PPM1H: variants seen among roughly 807,000 people sequenced by gnomAD.
PPM1H encodes protein phosphatase, Mg2+/Mn2+ dependent 1H, also known as protein phosphatase 1H.
A neutral mutation model predicts 54.9 loss-of-function variants in PPM1H; 27 were observed. The observed-to-expected ratio is 0.49, with a 90% CI of 0.36 to 0.68. PPM1H has a LOEUF of 0.68. PPM1H is among the 30% of genes least tolerant of loss of function. The probability of loss-of-function intolerance (pLI) is 0.00; values close to 1 mark genes in which losing one functional copy is unlikely to be tolerated. For synonymous variants in PPM1H, 305 were observed against 270.8 expected, an observed-to-expected ratio of 1.13 and a Z score of -1.24; for missense variants, 596 against 667.8, an observed-to-expected ratio of 0.89 and a Z score of 1.19.
At chr12:62,680,337 G>GTTTC (rs1027639769) in intron 8 of PPM1H, among the ~76,000 whole-genome samples, 1 of 121,020 alleles carries the variant, frequency 8.3e-6, no homozygotes, top group South Asian at 2.6e-4. Context: ...CTTTCTTTCT[G>GTTTC]TTTCTTTCTT....
At chr12:62,758,300 G>T (rs1353379837) in intron 4 of PPM1H, among the ~76,000 whole-genome samples, 5 of 152,160 alleles carry the variant, frequency 3.3e-5, no homozygotes, top group Non-Finnish European at 2.9e-5. Context: ...CTTGAGGTCT[G>T]GTGGCCTCAA....
At chr12:62,919,738 C>T (rs1871734323) in intron 1 of PPM1H, among the ~76,000 whole-genome samples, 1 of 152,202 alleles carries the variant, frequency 6.6e-6, no homozygotes, top group African/African-American at 2.4e-5. Flanking sequence ...AGCACAAGTC[C>T]TCATGGAGCC....
At chr12:62,906,487 AAGTTTG>A (rs781272246) in intron 1 of PPM1H, among the ~76,000 whole-genome samples, 3 of 152,212 alleles carry the variant, frequency 2.0e-5, no homozygotes, top group Non-Finnish European at 4.4e-5. Context: ...TTAATTTTCA[AAGTTTG>A]ATTTTAGATA....
chr12:62,663,638 C>T (rs1419948015), intron 9 of PPM1H, among the ~76,000 whole-genome samples: 1 of 152,190 alleles, frequency 6.6e-6, no homozygotes, highest in Non-Finnish European at 1.5e-5. Context: ...TATAATTGTA[C>T]TGATTCTATG....
At chr12:62,730,084 C>T (rs938350443) in intron 5 of PPM1H, among the ~76,000 whole-genome samples, 4 of 152,062 alleles carry the variant, frequency 2.6e-5, no homozygotes, top group African/African-American at 9.7e-5. Flanking sequence ...CAGAGAACAA[C>T]CCCCCTTTGA....
At position 62,667,175 on chromosome 12, in the gene PPM1H, A is replaced by C; in HGVS notation, c.1397+3T>G. Reference sequence around the variant, plus strand: ...AACCCTACAATTGTAGAAATGCACAAACCTGTGAGGATCATCTGGATCACA... The same window carrying C: ...AACCCTACAATTGTAGAAATGCACACACCTGTGAGGATCATCTGGATCACA... On this transcript the variant is annotated splice_donor_region_variant and intron_variant, in intron 9 of 9. Coordinates refer to ENST00000228705, the MANE Select transcript of PPM1H (RefSeq NM_020700.2). The C allele has an allele frequency of 6.3e-7, 1 of 1,581,320 alleles. No individual in the cohort carries two copies.
chr12:62,755,875 T>A, intron 4 of PPM1H: 2 of 785,742 alleles, frequency 2.5e-6, no homozygotes, highest in Non-Finnish European at 4.6e-6. Flanking sequence ...CTGCTAAGGT[T>A]GTGGGCAAGG....
At chr12:62,855,622 T>C (rs1185802321) in intron 1 of PPM1H, among the ~76,000 whole-genome samples, 1 of 152,218 alleles carries the variant, frequency 6.6e-6, no homozygotes, top group African/African-American at 2.4e-5. Flanking sequence ...TCAAGTTGTA[T>C]GAATCCAATC....
intron 3 of PPM1H, among the ~76,000 whole-genome samples, chr12:62,788,705 C>T (rs896787426): frequency 1.3e-5 from 2 of 152,148 alleles, no homozygotes; most frequent in Non-Finnish European, 2.9e-5. Context: ...CTGAGGATGA[C>T]AAGTACTTGG....
At chr12:62,654,834 T>C (rs1044728467) in intron 9 of PPM1H, among the ~76,000 whole-genome samples, 47 of 152,306 alleles carry the variant, frequency 3.1e-4, no homozygotes, top group African/African-American at 1.0e-3. Context: ...CCCTGATCCA[T>C]GTACCCATGT....
chr12:62,685,861 GTTAC>G (rs2076048129), intron 8 of PPM1H, among the ~76,000 whole-genome samples: 2 of 152,068 alleles, frequency 1.3e-5, no homozygotes, highest in South Asian at 2.1e-4. Flanking sequence ...ATATCAAAAC[GTTAC>G]ACTATATCCC....
At chr12:62,727,272 G>A (rs2076294975) in intron 5 of PPM1H, among the ~76,000 whole-genome samples, 1 of 152,064 alleles carries the variant, frequency 6.6e-6, no homozygotes, top group Admixed American at 6.5e-5. Flanking sequence ...ACATAGTAAA[G>A]GTGCTGAGTA....
chr12:62,792,830 G>T (rs2076708034), intron 3 of PPM1H, among the ~76,000 whole-genome samples: 1 of 152,072 alleles, frequency 6.6e-6, no homozygotes, highest in African/African-American at 2.4e-5. Context: ...AACATTAAAG[G>T]ACCATCTGGG....
intron 8 of PPM1H, among the ~76,000 whole-genome samples, chr12:62,680,224 TTCTCTCTC>T (rs199790963): frequency 2.0e-5 from 3 of 150,940 alleles, no homozygotes; most frequent in African/African-American, 7.3e-5. Context: ...CTTTCTCCCT[TTCTCTCTC>T]TCTCTCTTTC....
At chr12:62,650,130 CATT>C (rs1390686961) in intron 9 of PPM1H, among the ~76,000 whole-genome samples, 1 of 152,180 alleles carries the variant, frequency 6.6e-6, no homozygotes, top group Non-Finnish European at 1.5e-5. Flanking sequence ...AGAACTGCAT[CATT>C]GTTACATTAT....
chr12:62,932,651 T>TTTTTTTTTTA (rs1872181743), intron 1 of PPM1H, among the ~76,000 whole-genome samples: 3 of 136,450 alleles, frequency 2.2e-5, no homozygotes, highest in Non-Finnish European at 3.1e-5. Flanking sequence ...TTTTTTTTTT[T>TTTTTTTTTTA]GAGAAGGAGT....
intron 5 of PPM1H, among the ~76,000 whole-genome samples, chr12:62,729,432 G>A (rs969010982): frequency 3.3e-5 from 5 of 152,220 alleles, no homozygotes; most frequent in African/African-American, 7.2e-5. Flanking sequence ...AGGGTAATGT[G>A]CAGTTAAAGA....
intron 9 of PPM1H, among the ~76,000 whole-genome samples, chr12:62,662,340 G>C (rs1288044374): frequency 2.6e-5 from 4 of 152,148 alleles, no homozygotes; most frequent in Non-Finnish European, 5.9e-5. Flanking sequence ...AAACTTGAAA[G>C]GCGAAAAACA....
chr12:62,689,891 C>T, intron 7 of PPM1H, 85 bp from the exon 8 acceptor site: 1 of 921,322 alleles, frequency 1.1e-6, no homozygotes, highest in Non-Finnish European at 1.7e-6. Flanking sequence ...CTAGGAACAA[C>T]CAAACAATTT....
Sources: gnomAD v4.1 joint callset for allele counts (sites outside exome capture counted in the v4.1 genomes callset) on GRCh38, gnomAD v4.1.1 for gene constraint, MANE v1.5 for transcripts, NCBI Gene and HGNC (gene_info 2026-07-23, HGNC 2026-07-21) for gene names.